The following RALYL variants were observed in gnomAD, a reference collection of about 807,000 sequenced individuals.
RALYL encodes the protein RALY RNA binding protein like.
In RALYL, 29 loss-of-function variants were observed where a neutral mutation model predicts 35.1. The observed-to-expected ratio is 0.83, with a 90% CI of 0.61 to 1.13. RALYL has a LOEUF of 1.13. RALYL is among the 50% of genes most tolerant of loss of function. The pLI is 0.00. For missense variants in RALYL, 359 were observed against 360.4 expected, an observed-to-expected ratio of 1.00 and a Z score of 0.03; for synonymous variants, 120 against 127.6, an observed-to-expected ratio of 0.94 and a Z score of 0.40.
chr8:84,654,893 A>T (rs1477335494), intron 2 of RALYL, among the ~76,000 whole-genome samples: 1 of 152,082 alleles, frequency 6.6e-6, no homozygotes, highest in Non-Finnish European at 1.5e-5. Context: ...AGTAAACAAG[A>T]GAATACAGCT....
chr8:84,912,919 T>A (rs1847739858), intron 8 of RALYL, among the ~76,000 whole-genome samples: 1 of 151,948 alleles, frequency 6.6e-6, no homozygotes, highest in Non-Finnish European at 1.5e-5. Context: ...TTCTCTTCAT[T>A]AAAATGAGCA....
chr8:84,899,678 C>A (rs986897950), intron 8 of RALYL, among the ~76,000 whole-genome samples: 1 of 152,064 alleles, frequency 6.6e-6, no homozygotes, highest in Non-Finnish European at 1.5e-5. Flanking sequence ...GGCTTAAAAC[C>A]AACACATCAA....
chr8:84,903,138 G>T (rs190449655), intron 8 of RALYL, among the ~76,000 whole-genome samples: 2 of 152,124 alleles, frequency 1.3e-5, no homozygotes, highest in East Asian at 3.9e-4. Flanking sequence ...TAGTAATCTT[G>T]TATCTCACAT....
intron 1 of RALYL, among the ~76,000 whole-genome samples, chr8:84,497,076 G>T (rs1392622731): frequency 6.6e-6 from 1 of 152,018 alleles, no homozygotes; most frequent in Non-Finnish European, 1.5e-5. Flanking sequence ...AACCACTTAG[G>T]CTTATGGTCT....
chr8:84,763,559 G>T (rs1245427173), intron 2 of RALYL, among the ~76,000 whole-genome samples: 1 of 152,154 alleles, frequency 6.6e-6, no homozygotes, highest in Non-Finnish European at 1.5e-5. Context: ...GTTAAGCAAA[G>T]TTCTAAACAT....
intron 1 of RALYL, among the ~76,000 whole-genome samples, chr8:84,290,444 G>A (rs1247471455): frequency 2.0e-5 from 3 of 151,820 alleles, no homozygotes; most frequent in African/African-American, 7.3e-5. Context: ...ATAGGATTTG[G>A]GTAGGTAAAG....
chr8:84,849,561 G>GT (rs780565835), intron 4 of RALYL, among the ~76,000 whole-genome samples: 8,783 of 141,668 alleles, frequency 0.062, 260 homozygotes, highest in East Asian at 0.086. Context: ...TTTTGTTTTT[G>GT]TTTTTTTTTT....
intron 2 of RALYL, among the ~76,000 whole-genome samples, chr8:84,537,127 G>T (rs1464348005): frequency 7.2e-6 from 1 of 139,816 alleles, no homozygotes; most frequent in Non-Finnish European, 1.5e-5. Context: ...ATGTACCCTA[G>T]AACTTAAAGT....
intron 1 of RALYL, among the ~76,000 whole-genome samples, chr8:84,238,808 C>T (rs2131540030): frequency 6.6e-6 from 1 of 152,280 alleles, no homozygotes; most frequent in South Asian, 2.1e-4. Flanking sequence ...ATTCAGAAAA[C>T]AGGCATGGTG....
At position 84,494,932 on chromosome 8, in the gene RALYL, A is replaced by G. The variant is rs559790821; in HGVS notation, c.-23-34367A>G. Among the ~76,000 whole-genome samples the G allele has an allele frequency of 8.9e-4, 135 of 152,208 alleles. 1 individual carries two copies. In the South Asian group the frequency reaches 0.013, roughly 15 times the overall value. ...TGCCCTGGCCAGAACTTTCAATACT[A>G]TGTTGAATAGGAGTGGCGAGAGAGG... On this transcript the variant is annotated intron_variant, in intron 1 of 8. Coordinates refer to ENST00000521268, the MANE Select transcript of RALYL (RefSeq NM_173848.7).
chr8:84,741,327 A>G (rs1162138262), intron 2 of RALYL, among the ~76,000 whole-genome samples: 1 of 152,012 alleles, frequency 6.6e-6, no homozygotes, highest in African/African-American at 2.4e-5. Context: ...CAGGAGTGAT[A>G]TCACACAGCT....
intron 1 of RALYL, among the ~76,000 whole-genome samples, chr8:84,463,762 G>T (rs1200068300): frequency 1.3e-5 from 2 of 151,958 alleles, no homozygotes; most frequent in Non-Finnish European, 2.9e-5. Context: ...GGTTTACTGG[G>T]AAATAATTTA....
At chr8:84,242,853 C>A (rs13265288) in intron 1 of RALYL, among the ~76,000 whole-genome samples, 75,506 of 151,930 alleles carry the variant, frequency 0.5, 18,910 homozygotes, top group South Asian at 0.55. Flanking sequence ...AATTAGATTC[C>A]ATTTGTCAAT....
chr8:84,490,078 CATGTGTGTGTGTGT>C (rs775177549), intron 1 of RALYL, among the ~76,000 whole-genome samples: 2 of 91,846 alleles, frequency 2.2e-5, no homozygotes, highest in African/African-American at 6.9e-5. Context: ...TGCTTGCGTG[CATGTGTGTGTGTGT>C]GTGTGTGTGT....
intron 1 of RALYL, among the ~76,000 whole-genome samples, chr8:84,462,592 T>G (rs2050932448): frequency 7.1e-6 from 1 of 141,504 alleles, no homozygotes; most frequent in African/African-American, 2.7e-5. Context: ...AAAGTATGTA[T>G]CTAGATTCAT....
At chr8:84,556,480 C>A (rs72679365) in intron 2 of RALYL, among the ~76,000 whole-genome samples, 1 of 151,932 alleles carries the variant, frequency 6.6e-6, no homozygotes, top group Non-Finnish European at 1.5e-5. Flanking sequence ...TCCTATCGAC[C>A]ATGAAGAACT....
At chr8:84,883,994 T>C (rs7818068) in intron 7 of RALYL, among the ~76,000 whole-genome samples, 69,546 of 151,814 alleles carry the variant, frequency 0.46, 18,949 homozygotes, top group African/African-American at 0.75. Context: ...GAGAAGAAAA[T>C]TACAATTAAT....
intron 1 of RALYL, among the ~76,000 whole-genome samples, chr8:84,519,621 T>C (rs1032271232): frequency 1.3e-5 from 2 of 152,226 alleles, no homozygotes; most frequent in Admixed American, 1.3e-4. Context: ...TTTGTGCTTA[T>C]TAAATATAAA....
Position 84,794,247 on chromosome 8 carries a change from T to C in RALYL, c.333-10523T>C, listed in dbSNP as rs549602153. Among the ~76,000 whole-genome samples the C allele has an allele frequency of 2.0e-5, 3 of 152,354 alleles. No individual in the cohort carries two copies. In the South Asian group the frequency reaches 6.2e-4, roughly 32 times the overall value. On this transcript the variant is annotated intron_variant, in intron 3 of 8. Transcript: ENST00000521268. ...TGGGCGATCAAAAGACTACAGAGTA[T>C]TGACTCTTATATCTTCATCTTAAAG...
Sources: gnomAD v4.1 joint callset for allele counts (sites outside exome capture counted in the v4.1 genomes callset) on GRCh38, gnomAD v4.1.1 for gene constraint, MANE v1.5 for transcripts, NCBI Gene and HGNC (gene_info 2026-07-23, HGNC 2026-07-21) for gene names.